Variants in RUNDC3B observed in about 807,000 individuals in gnomAD.
RUNDC3B encodes RUN domain containing 3B.
Under a neutral mutation model 58.4 loss-of-function variants are expected in RUNDC3B, and 33 were observed. That is an observed-to-expected ratio of 0.56 (90% CI 0.43 to 0.75). The LOEUF is 0.75. Among genes scored for constraint, RUNDC3B ranks in the 30% least tolerant of loss-of-function variants. The probability of loss-of-function intolerance (pLI) is 0.00; values close to 1 mark genes in which losing one functional copy is unlikely to be tolerated. For synonymous variants in RUNDC3B, 193 were observed against 195.2 expected, an observed-to-expected ratio of 0.99 and a Z score of 0.10; for missense variants, 501 against 535.7, an observed-to-expected ratio of 0.94 and a Z score of 0.64.
At chr7:87,791,501 A>C (rs980262960) in intron 8 of RUNDC3B, among the ~76,000 whole-genome samples, 1 of 152,182 alleles carries the variant, frequency 6.6e-6, no homozygotes, top group South Asian at 2.1e-4. Flanking sequence ...CCAATAAAAA[A>C]TAACTACAAG....
At chr7:87,748,114 G>GGAAT (rs1832753835) in intron 6 of RUNDC3B, among the ~76,000 whole-genome samples, 1 of 152,170 alleles carries the variant, frequency 6.6e-6, no homozygotes, top group Non-Finnish European at 1.5e-5. Flanking sequence ...GGTACAGGCA[G>GGAAT]GAATGGCCTT....
intron 2 of RUNDC3B, chr7:87,693,882 T>C: frequency 6.3e-7 from 1 of 1,596,860 alleles, no homozygotes; most frequent in African/African-American, 1.3e-5. Context: ...TATCTGTGTG[T>C]TGTTGTTGTT....
chr7:87,703,109 C>A (rs1829239939), intron 3 of RUNDC3B, among the ~76,000 whole-genome samples: 1 of 151,864 alleles, frequency 6.6e-6, no homozygotes, highest in Non-Finnish European at 1.5e-5. Flanking sequence ...TTGATATTTA[C>A]AGTTTTAAGA....
chr7:87,665,367 G>A (rs1825120089), intron 2 of RUNDC3B, among the ~76,000 whole-genome samples: 2 of 151,956 alleles, frequency 1.3e-5, no homozygotes, highest in African/African-American at 4.8e-5. Context: ...TACTTAGGAG[G>A]AAATTCAGGC....
chr7:87,766,387 C>G (rs1014314620), intron 6 of RUNDC3B, among the ~76,000 whole-genome samples: 1 of 152,022 alleles, frequency 6.6e-6, no homozygotes, highest in African/African-American at 2.4e-5. Context: ...GAGTATCGTC[C>G]TTTTTTTATG....
rs1838112678 is a variant in RUNDC3B at position 87,831,259 on chromosome 7, G to A, written c.*1229G>A. ...ATTTTATACATTGTTTACATGATGA[G>A]GCCACAGTACTTACTGAGGACTTCA... On this transcript the variant is annotated 3_prime_UTR_variant, in exon 11 of 11. Coordinates refer to ENST00000394654, the MANE Select transcript of RUNDC3B (RefSeq NM_001134405.2). The A allele has an allele frequency of 6.6e-6, 1 of 151,642 alleles. No individual in the cohort carries two copies. The highest frequency in any genetic ancestry group is 1.5e-5 in the Non-Finnish European group (1 of 67,788). 9.4% of individuals were successfully genotyped at this position (151,642 alleles called of 1,614,324 possible). A position where few individuals can be genotyped will look rare whatever the true frequency, so the allele number is the denominator to read the frequency against.
intron 8 of RUNDC3B, among the ~76,000 whole-genome samples, chr7:87,787,699 G>A (rs1835297003): frequency 6.6e-6 from 1 of 152,092 alleles, no homozygotes; most frequent in African/African-American, 2.4e-5. Context: ...CTATATAACA[G>A]AGATAACATA....
intron 2 of RUNDC3B, among the ~76,000 whole-genome samples, chr7:87,695,881 A>G (rs1021818137): frequency 1.3e-5 from 2 of 152,118 alleles, no homozygotes; most frequent in African/African-American, 4.8e-5. Flanking sequence ...AAGAGTATAG[A>G]AGAGTAATTT....
At chr7:87,723,486 G>A (rs1831026122) in intron 4 of RUNDC3B, among the ~76,000 whole-genome samples, 1 of 152,112 alleles carries the variant, frequency 6.6e-6, no homozygotes, top group South Asian at 2.1e-4. Flanking sequence ...GAACAGAAAT[G>A]TCCAATGCAA....
chr7:87,784,896 T>C (rs1052501228), intron 8 of RUNDC3B, among the ~76,000 whole-genome samples: 1 of 152,092 alleles, frequency 6.6e-6, no homozygotes, highest in African/African-American at 2.4e-5. Context: ...AAAGGTCCCC[T>C]CCTTTAGGGA....
rs1304718179 is a variant in RUNDC3B, at chr7:87,819,944, C to A, written c.1225+3682C>A. On this transcript the variant is annotated intron_variant, in intron 10 of 10. Coordinates refer to ENST00000394654, the MANE Select transcript of RUNDC3B (RefSeq NM_001134405.2). ...CCCACAAGAGAAAGCAGGAAAGATC[C>A]AAAATTGACACCCTAACATCACAAT... 4.6e-5 allele frequency among the ~76,000 whole-genome samples: 7 copies of A among 151,664 alleles called. No homozygotes were observed. The South Asian group carries it at 1.0e-3, about 23-fold the overall frequency.
At chr7:87,820,888 T>G (rs901290906) in intron 10 of RUNDC3B, among the ~76,000 whole-genome samples, 2 of 151,940 alleles carry the variant, frequency 1.3e-5, no homozygotes, top group Non-Finnish European at 2.9e-5. Context: ...GGGACATATC[T>G]CAAAATAATA....
chr7:87,638,506 A>T (rs768484446), intron 1 of RUNDC3B, among the ~76,000 whole-genome samples: 14 of 152,230 alleles, frequency 9.2e-5, no homozygotes, highest in Non-Finnish European at 1.6e-4. Context: ...TTAGTAACGG[A>T]ATCAATTCAT....
intron 8 of RUNDC3B, among the ~76,000 whole-genome samples, chr7:87,804,142 C>T (rs889195117): frequency 6.6e-6 from 1 of 152,024 alleles, no homozygotes; most frequent in African/African-American, 2.4e-5. Flanking sequence ...AAGATCTTTT[C>T]GAATGAGGTA....
In RUNDC3B at chr7:87,741,514, A is replaced by G. The variant is rs1286671025; in HGVS notation, c.564A>G (p.Gly188=). 1.9e-6 allele frequency: 3 copies of G among 1,568,188 alleles called. No individual in the cohort carries two copies. Among genetic ancestry groups the G allele is most frequent in the African/African-American group, 2.7e-5 (2 of 73,776 alleles). ...NAIDFSFCLK[G]EGLDGSFPAV... is the part of the protein sequence containing the mutation. ...ATTGTCTTAGTTTCTGCCTAAAGGG[A>G]GAGGGGCTGGATGGCAGTTTTCCTG... Residue 188 remains glycine, a synonymous_variant, in exon 6 of 11, where the codon GGA becomes GGG. Transcript: ENST00000394654.
intron 1 of RUNDC3B, among the ~76,000 whole-genome samples, chr7:87,647,943 G>A (rs1823182818): frequency 6.6e-6 from 1 of 152,090 alleles, no homozygotes; most frequent in Non-Finnish European, 1.5e-5. Context: ...CCAACACTTT[G>A]GGAGGCCAAG....
chr7:87,804,088 C>T (rs1377796341), intron 8 of RUNDC3B, among the ~76,000 whole-genome samples: 1 of 151,946 alleles, frequency 6.6e-6, no homozygotes, highest in Non-Finnish European at 1.5e-5. Context: ...TGAGACTCAC[C>T]ACAAAGCAAT....
At chr7:87,774,490 A>T (rs1028265783) in intron 7 of RUNDC3B, among the ~76,000 whole-genome samples, 12 of 152,090 alleles carry the variant, frequency 7.9e-5, no homozygotes, top group Non-Finnish European at 1.0e-4. Context: ...TAATTTTTTT[A>T]AAAAATTAAG....
chr7:87,684,647 C>CTGAGG (rs1460034799), intron 2 of RUNDC3B, among the ~76,000 whole-genome samples: 1 of 144,572 alleles, frequency 6.9e-6, no homozygotes, highest in African/African-American at 2.5e-5. Context: ...ACGCAGGAGG[C>CTGAGG]TGAGGCAGGA....
Sources: allele counts gnomAD v4.1 joint callset (sites outside exome capture counted in the v4.1 genomes callset), GRCh38; gene constraint gnomAD v4.1.1; transcripts MANE v1.5; gene names NCBI Gene and HGNC (gene_info 2026-07-23, HGNC 2026-07-21).